Variants in PDCD1LG2 observed in about 807,000 individuals in gnomAD.
PDCD1LG2 encodes the protein programmed cell death 1 ligand 2.
PDCD1LG2 carries 32 observed loss-of-function variants against 28.2 expected under a neutral mutation model. The observed-to-expected ratio is 1.13, with a 90% CI of 0.86 to 1.52. PDCD1LG2 has a LOEUF of 1.52. Ranked by LOEUF, PDCD1LG2 falls within the 40% of genes most tolerant of loss-of-function variation. The pLI is 0.00. For missense variants in PDCD1LG2, 385 were observed against 323.8 expected (o/e 1.19, Z -1.45); for synonymous variants, 116 against 120.2 (o/e 0.97, Z 0.23).
chr9:5,518,816 C>A (rs2129706794), intron 1 of PDCD1LG2, among the ~76,000 whole-genome samples: 1 of 152,348 alleles, frequency 6.6e-6, no homozygotes, highest in South Asian at 2.1e-4. Flanking sequence ...TTCATCTGTA[C>A]AAAACTCACT....
In PDCD1LG2 at chr9:5,548,014, A is replaced by AT. The variant is rs1377279692; in HGVS notation, c.362-1314dup. On this transcript the variant is annotated intron_variant, in intron 3 of 6. Transcript: ENST00000397747. ...ACCAAGTTGTTTTTTTGTGGTCTTT[A>AT]TTTTTTTCTCTTCTTAATCTCAAAA... Among the ~76,000 whole-genome samples the AT allele has an allele frequency of 1.1e-4, 17 of 148,976 alleles. No homozygotes were observed. The East Asian group carries it at 3.4e-3, about 30-fold the overall frequency.
chr9:5,524,536 C>T (rs775498188), intron 2 of PDCD1LG2, among the ~76,000 whole-genome samples: 22 of 152,118 alleles, frequency 1.4e-4, no homozygotes, highest in Non-Finnish European at 2.9e-4. Flanking sequence ...AAATACCTAC[C>T]TAAATTAGAA....
intron 2 of PDCD1LG2, among the ~76,000 whole-genome samples, chr9:5,524,478 TC>T (rs1490383052): frequency 1.3e-5 from 2 of 152,258 alleles, no homozygotes; most frequent in Non-Finnish European, 2.9e-5. Context: ...AATTTGGAAT[TC>T]TTTTCTGCTT....
intron 5 of PDCD1LG2, among the ~76,000 whole-genome samples, chr9:5,561,073 A>G (rs531864693): frequency 6.6e-6 from 1 of 152,304 alleles, no homozygotes; most frequent in East Asian, 1.9e-4. Context: ...CTGGCATATA[A>G]TAAATGTTCA....
intron 1 of PDCD1LG2, among the ~76,000 whole-genome samples, chr9:5,516,153 G>C (rs1203309700): frequency 6.6e-6 from 1 of 151,974 alleles, no homozygotes; most frequent in Non-Finnish European, 1.5e-5. Flanking sequence ...CCGGGTTCAA[G>C]CGATTCTCCT....
intron 3 of PDCD1LG2, among the ~76,000 whole-genome samples, chr9:5,543,225 G>T (rs879046805): frequency 6.6e-6 from 1 of 152,098 alleles, no homozygotes; most frequent in Admixed American, 6.6e-5. Context: ...GGAAAGGATG[G>T]TTGGGGGTGA....
chr9:5,550,972 C>A (rs182824416), intron 4 of PDCD1LG2, among the ~76,000 whole-genome samples: 1 of 152,158 alleles, frequency 6.6e-6, no homozygotes, highest in African/African-American at 2.4e-5. Flanking sequence ...GGATTACAGG[C>A]GTGAGCCATC....
chr9:5,525,050 T>C (rs781553639), intron 2 of PDCD1LG2, among the ~76,000 whole-genome samples: 6 of 152,300 alleles, frequency 3.9e-5, no homozygotes, highest in Admixed American at 6.5e-5. Flanking sequence ...ATTTTTAAAT[T>C]TTAAAAATAA....
At chr9:5,543,808 G>A (rs1820740119) in intron 3 of PDCD1LG2, among the ~76,000 whole-genome samples, 1 of 96,712 alleles carries the variant, frequency 1.0e-5, no homozygotes, top group South Asian at 3.3e-4. Context: ...AAAATAACAC[G>A]TTTTTTAAAA....
rs188781411 is a variant in PDCD1LG2 at position 5,563,438 on chromosome 9, C to A, written c.816+227C>A. Among the ~76,000 whole-genome samples the A allele has an allele frequency of 4.6e-5, 7 of 152,296 alleles. No individual in the cohort carries two copies. In the East Asian group the frequency reaches 1.2e-3, roughly 25 times the overall value. On this transcript the variant is annotated intron_variant, in intron 6 of 6. Coordinates refer to ENST00000397747, the MANE Select transcript of PDCD1LG2 (RefSeq NM_025239.4). Reference sequence around the variant, plus strand: ...CTAAGCACTCCTAGATGATACTGCACTGGACCTCTGGTCTCACATAGTTAG... The same window carrying A: ...CTAAGCACTCCTAGATGATACTGCAATGGACCTCTGGTCTCACATAGTTAG...
At chr9:5,567,940 TTTTG>T (rs1399058334) in intron 6 of PDCD1LG2, among the ~76,000 whole-genome samples, 1 of 152,212 alleles carries the variant, frequency 6.6e-6, no homozygotes, top group East Asian at 1.9e-4. Flanking sequence ...TTTTGTTTTG[TTTTG>T]TTTGTTTTCA....
At chr9:5,520,715 A>T (rs1820256830) in intron 1 of PDCD1LG2, among the ~76,000 whole-genome samples, 1 of 152,364 alleles carries the variant, frequency 6.6e-6, no homozygotes, top group South Asian at 2.1e-4. Context: ...TAAAACATTT[A>T]TCCTTCACAG....
Position 5,563,199 on chromosome 9 carries a change from A to G in PDCD1LG2, c.804A>G (p.Glu268=). Residue 268 remains glutamate (E), a synonymous_variant, in exon 6 of 7, where the codon GAA becomes GAG. Coordinates refer to ENST00000397747, the MANE Select transcript of PDCD1LG2 (RefSeq NM_025239.4). ...GACCTGTCACCACAACAAAGAGGGA[A>G]GTGAACAGTGCTGTGAGTAAGCATG... ...TKRPVTTTKR[E]VNSAI 6.2e-7 allele frequency: 1 copy of G among 1,612,438 alleles called. No individual in the cohort carries two copies. Among genetic ancestry groups the G allele is most frequent in the Non-Finnish European group, 8.5e-7 (1 of 1,178,640 alleles).
rs567193200 is a variant in PDCD1LG2, at chr9:5,546,304, C to G, written c.362-3031C>G. Among the ~76,000 whole-genome samples the G allele has an allele frequency of 2.0e-5, 3 of 152,314 alleles. 1 individual carries two copies. The South Asian group carries it at 6.2e-4, about 32-fold the overall frequency. ...GTGGGCTGGACCCTCACCCACAGTACTCTGCTCCTGTTCTTGTTCTACTTC... is the reference window on the plus strand; with the variant it reads ...GTGGGCTGGACCCTCACCCACAGTAGTCTGCTCCTGTTCTTGTTCTACTTC... On this transcript the variant is annotated intron_variant, in intron 3 of 6. Coordinates refer to ENST00000397747, the MANE Select transcript of PDCD1LG2 (RefSeq NM_025239.4).
intron 4 of PDCD1LG2, among the ~76,000 whole-genome samples, chr9:5,553,206 T>TA (rs1400440583): frequency 1.3e-5 from 2 of 151,974 alleles, no homozygotes; most frequent in East Asian, 1.9e-4. Context: ...CAACTTCAGG[T>TA]AAAAAAATGA....
chr9:5,543,074 G>A (rs895346796), intron 3 of PDCD1LG2, among the ~76,000 whole-genome samples: 3 of 152,128 alleles, frequency 2.0e-5, no homozygotes, highest in African/African-American at 7.2e-5. Context: ...CAGCATCCTG[G>A]ATGGAATTAG....
intron 5 of PDCD1LG2, 75 bp downstream of exon 5, chr9:5,557,827 CT>C: frequency 2.6e-6 from 4 of 1,544,002 alleles, no homozygotes; most frequent in Non-Finnish European, 3.6e-6. Context: ...CACTGCAGGC[CT>C]ATGGCTTGCT....
intron 3 of PDCD1LG2, among the ~76,000 whole-genome samples, chr9:5,543,315 A>G (rs560302774): frequency 1.5e-4 from 23 of 152,182 alleles, no homozygotes; most frequent in East Asian, 5.8e-4. Flanking sequence ...CGAGGTGGGC[A>G]GATCACGAGG....
chr9:5,537,218 T>C (rs1820596818), intron 3 of PDCD1LG2, among the ~76,000 whole-genome samples: 1 of 152,214 alleles, frequency 6.6e-6, no homozygotes, highest in Non-Finnish European at 1.5e-5. Flanking sequence ...ATTGATTTAC[T>C]CATACGAACA....
Sources: allele counts gnomAD v4.1 joint callset (sites outside exome capture counted in the v4.1 genomes callset), GRCh38; gene constraint gnomAD v4.1.1; transcripts MANE v1.5; gene names NCBI Gene and HGNC (gene_info 2026-07-23, HGNC 2026-07-21).